PDE10A: variants seen among roughly 807,000 people sequenced by gnomAD.
PDE10A encodes phosphodiesterase 10A, also known as cAMP and cAMP-inhibited cGMP 3',5'-cyclic phosphodiesterase 10A.
PDE10A carries 39 observed loss-of-function variants against 97.7 expected under a neutral mutation model. The observed-to-expected ratio is 0.40, with a 90% CI of 0.31 to 0.52. PDE10A has a LOEUF of 0.52. Ranked by LOEUF, PDE10A falls within the 20% of genes least tolerant of loss-of-function variation. PDE10A has a pLI of 0.56. For synonymous variants in PDE10A, 371 were observed against 376.8 expected, an observed-to-expected ratio of 0.98 and a Z score of 0.18; for missense variants, 731 against 1,047.8, an observed-to-expected ratio of 0.70 and a Z score of 4.17.
intron 1 of PDE10A, among the ~76,000 whole-genome samples, chr6:165,877,271 T>C (rs1266011056): frequency 6.6e-6 from 1 of 152,202 alleles, no homozygotes; most frequent in Non-Finnish European, 1.5e-5. Context: ...CCACATAGGA[T>C]TTGATGCATT....
At chr6:165,721,591 G>T (rs1792168640) in intron 1 of PDE10A, among the ~76,000 whole-genome samples, 1 of 152,184 alleles carries the variant, frequency 6.6e-6, no homozygotes, top group Non-Finnish European at 1.5e-5. Flanking sequence ...ATTGAATCCA[G>T]ATGCTTTTTC....
intron 1 of PDE10A, among the ~76,000 whole-genome samples, chr6:165,600,793 G>T (rs1246813930): frequency 6.6e-6 from 1 of 152,174 alleles, no homozygotes; most frequent in South Asian, 2.1e-4. Flanking sequence ...GGACCTGAAG[G>T]ACCTGCTAAA....
At chr6:165,387,196 C>G (rs1394850970) in intron 17 of PDE10A, among the ~76,000 whole-genome samples, 3 of 152,190 alleles carry the variant, frequency 2.0e-5, no homozygotes, top group African/African-American at 7.2e-5. Context: ...CTGGGGATGG[C>G]TTGAAAATGA....
chr6:165,631,429 A>G (rs1788623894), intron 1 of PDE10A, among the ~76,000 whole-genome samples: 1 of 152,256 alleles, frequency 6.6e-6, no homozygotes, highest in Non-Finnish European at 1.5e-5. Context: ...CTCAGCATCT[A>G]TCCTGAGAGT....
chr6:165,656,258 TCACACACACACACACACACACACACA>T (rs3083000), intron 1 of PDE10A, among the ~76,000 whole-genome samples: 19 of 129,840 alleles, frequency 1.5e-4, no homozygotes, highest in Admixed American at 3.0e-4. Context: ...TCTCTCTCTC[TCACACACACACACACACACACACACA>T]CACACACACA....
intron 1 of PDE10A, among the ~76,000 whole-genome samples, chr6:165,823,626 AG>A (rs1779645565): frequency 6.7e-6 from 1 of 149,970 alleles, no homozygotes; most frequent in Non-Finnish European, 1.5e-5. Flanking sequence ...TAACAATAAA[AG>A]TATCATAAAT....
intron 2 of PDE10A, among the ~76,000 whole-genome samples, chr6:165,538,965 A>C (rs1439299787): frequency 6.6e-6 from 1 of 152,188 alleles, no homozygotes; most frequent in Non-Finnish European, 1.5e-5. Context: ...ATATGCCTAG[A>C]TAATTTTCTT....
Position 165,430,424 on chromosome 6 carries a change from T to A in PDE10A, c.1543-79A>T, listed in dbSNP as rs1789467699. On this transcript the variant is annotated intron_variant, in intron 8 of 21. Transcript: ENST00000539869. The stretch of plus-strand genomic sequence containing the variant: ...TAAAACTTCCAGAATACTAATTACC[T>A]TATTTATTGAAAGAAGGCCTAACAC... 3 of 847,490 alleles carry A rather than the reference T, an allele frequency of 3.5e-6. No individual in the cohort carries two copies. The South Asian group carries it at 4.6e-5, about 13-fold the overall frequency. The allele number at this position is 847,490 out of a possible 1,614,324, so 52.5% of individuals were successfully genotyped here. A position where few individuals can be genotyped will look rare whatever the true frequency, so the allele number is the denominator to read the frequency against.
chr6:165,373,426 G>A (rs1474191186), intron 18 of PDE10A, among the ~76,000 whole-genome samples: 1 of 152,190 alleles, frequency 6.6e-6, no homozygotes, highest in Non-Finnish European at 1.5e-5. Flanking sequence ...CAAAGGATAT[G>A]AACGGACACT....
At chr6:165,629,592 G>A (rs1391985263) in intron 1 of PDE10A, among the ~76,000 whole-genome samples, 1 of 149,614 alleles carries the variant, frequency 6.7e-6, no homozygotes, top group African/African-American at 2.5e-5. Flanking sequence ...GGAGTGCGAT[G>A]GTGCCGTCTC....
At chr6:165,555,632 C>T (rs1784214658) in intron 1 of PDE10A, among the ~76,000 whole-genome samples, 1 of 152,186 alleles carries the variant, frequency 6.6e-6, no homozygotes, top group Non-Finnish European at 1.5e-5. Flanking sequence ...AATATTTCAT[C>T]TAGGTGTGTC....
intron 1 of PDE10A, among the ~76,000 whole-genome samples, chr6:165,970,953 G>T (rs1182997549): frequency 4.6e-5 from 7 of 152,140 alleles, no homozygotes; most frequent in Non-Finnish European, 1.5e-5. Context: ...TCGAGACCCA[G>T]CCTGGCCAAC....
intron 1 of PDE10A, among the ~76,000 whole-genome samples, chr6:165,715,051 G>T (rs1200657076): frequency 2.0e-5 from 3 of 152,254 alleles, no homozygotes; most frequent in Admixed American, 6.5e-5. Context: ...GAACCCACGG[G>T]CCGCGAGGGT....
intron 1 of PDE10A, among the ~76,000 whole-genome samples, chr6:165,561,600 A>T (rs1210396692): frequency 2.6e-5 from 4 of 152,206 alleles, no homozygotes; most frequent in Non-Finnish European, 4.4e-5. Flanking sequence ...GGCCTAACAA[A>T]TTAATGTGTT....
chr6:165,380,255 T>C (rs1044463543), intron 17 of PDE10A, among the ~76,000 whole-genome samples: 1 of 152,222 alleles, frequency 6.6e-6, no homozygotes, highest in South Asian at 2.1e-4. Flanking sequence ...TTGGTCAATA[T>C]AGTACTACTC....
intron 1 of PDE10A, among the ~76,000 whole-genome samples, chr6:165,872,639 G>A (rs907282078): frequency 2.4e-4 from 19 of 79,566 alleles, no homozygotes; most frequent in African/African-American, 1.1e-3. Flanking sequence ...CCAAAAAGAT[G>A]AGGGGAGCTG....
At chr6:165,664,507 G>A (rs1790446819), upstream of PDE10A, among the ~76,000 whole-genome samples, 1 of 152,200 alleles carries the variant, frequency 6.6e-6, no homozygotes. Flanking sequence ...ACGGGCATCA[G>A]ACTTGGCACT....
At chr6:165,737,526 T>C (rs893119848) in intron 1 of PDE10A, among the ~76,000 whole-genome samples, 5 of 152,130 alleles carry the variant, frequency 3.3e-5, no homozygotes, top group African/African-American at 7.2e-5. Context: ...ATATACTACA[T>C]TAACAGAATG....
chr6:165,837,341 T>C (rs181731678), intron 1 of PDE10A, among the ~76,000 whole-genome samples: 12 of 152,332 alleles, frequency 7.9e-5, no homozygotes, highest in African/African-American at 2.6e-4. Flanking sequence ...ACAACATTAT[T>C]GGTATAGCCA....
Sources: gnomAD v4.1 joint callset for allele counts (sites outside exome capture counted in the v4.1 genomes callset) on GRCh38, gnomAD v4.1.1 for gene constraint, MANE v1.5 for transcripts, NCBI Gene and HGNC (gene_info 2026-07-23, HGNC 2026-07-21) for gene names.